A1CF: variants seen among roughly 807,000 people sequenced by gnomAD.
A1CF encodes APOBEC-1 stimulating protein.
In A1CF, 48 loss-of-function variants were observed where a neutral mutation model predicts 68.9. The observed-to-expected ratio is 0.70, with a 90% CI of 0.55 to 0.89. The LOEUF is 0.89. A1CF is among the 40% of genes least tolerant of loss of function. A1CF has a pLI of 0.00. For synonymous variants in A1CF, 272 were observed against 260.4 expected (o/e 1.04, Z -0.43); for missense variants, 653 against 718.9 (o/e 0.91, Z 1.05).
intron 10 of A1CF, among the ~76,000 whole-genome samples, chr10:50,812,893 G>A (rs10821859): frequency 0.42 from 63,331 of 152,042 alleles, 14,892 homozygotes; most frequent in Admixed American, 0.57. Flanking sequence ...AATTCCCTGG[G>A]TGGGGCTAGC....
chr10:50,804,251 T>C lies in A1CF; in HGVS notation c.*2478A>G, dbSNP rs983685115. ...AATTTTCTCAATACTTTGGTATTAT[T>C]GTATGTTTAGGTGTCTGCTCTTAAT... On this transcript the variant is annotated 3_prime_UTR_variant, in exon 13 of 13. Transcript: ENST00000373997. 1.3e-5 allele frequency: 2 copies of C among 152,180 alleles called. No individual in the cohort carries two copies. Among genetic ancestry groups the C allele is most frequent in the Non-Finnish European group, 2.9e-5 (2 of 67,998 alleles). 9.4% of individuals were successfully genotyped at this position (152,180 alleles called of 1,614,324 possible).
intron 5 of A1CF, among the ~76,000 whole-genome samples, chr10:50,838,345 G>A (rs1035011432): frequency 1.3e-5 from 2 of 152,088 alleles, no homozygotes; most frequent in Admixed American, 1.3e-4. Context: ...CAAGGTGAGG[G>A]AAGGGTTGAA....
intron 3 of A1CF, among the ~76,000 whole-genome samples, chr10:50,858,310 TG>T (rs150199799): frequency 0.057 from 8,632 of 152,080 alleles, 769 homozygotes; most frequent in African/African-American, 0.19. Context: ...GAATTTCATG[TG>T]GGGGGAAAAG....
intron 11 of A1CF, 71 bp from the exon 12 acceptor site, chr10:50,810,113 C>T: frequency 6.4e-7 from 1 of 1,564,590 alleles, no homozygotes. Flanking sequence ...ACTTAAGGCA[C>T]TATCAGCTTT....
At position 50,800,121 on chromosome 10, in the gene A1CF, G is replaced by A. The variant is rs1226801551; in HGVS notation, c.*6608C>T. Reference sequence around the variant, plus strand: ...ATTTTAAAATTTTATAAACACAAATGTATTTAGAAAACAGAAATAGTTAAT... The same window carrying A: ...ATTTTAAAATTTTATAAACACAAATATATTTAGAAAACAGAAATAGTTAAT... On this transcript the variant is annotated 3_prime_UTR_variant, in exon 13 of 13. Transcript: ENST00000373997. The A allele has an allele frequency of 2.0e-5, 3 of 152,092 alleles. No homozygotes were observed. In the East Asian group the frequency reaches 5.8e-4, roughly 29 times the overall value. 9.4% of individuals were successfully genotyped at this position (152,092 alleles called of 1,614,324 possible).
At chr10:50,834,633 G>A (rs759397925) in intron 6 of A1CF, among the ~76,000 whole-genome samples, 15 of 152,102 alleles carry the variant, frequency 9.9e-5, no homozygotes, top group Non-Finnish European at 4.4e-5. Flanking sequence ...TTTTGAACTG[G>A]CCAGTTAGTG....
At chr10:50,807,266 C>T (rs1338891669) in intron 12 of A1CF, among the ~76,000 whole-genome samples, 1 of 152,090 alleles carries the variant, frequency 6.6e-6, no homozygotes, top group Non-Finnish European at 1.5e-5. Context: ...GAGGGGCTGG[C>T]TGGGCATGGT....
intron 10 of A1CF, among the ~76,000 whole-genome samples, chr10:50,812,083 T>C (rs1838140298): frequency 6.6e-6 from 1 of 152,248 alleles, no homozygotes; most frequent in Admixed American, 6.5e-5. Flanking sequence ...AGATTGTTAC[T>C]GTTTTTTCTA....
At chr10:50,836,645 T>A (rs1313835336) in intron 5 of A1CF, among the ~76,000 whole-genome samples, 3 of 150,952 alleles carry the variant, frequency 2.0e-5, no homozygotes, top group African/African-American at 7.3e-5. Context: ...ACCCATTAAC[T>A]CGTCATTTGC....
At chr10:50,820,034 A>G (rs965856350) in intron 8 of A1CF, among the ~76,000 whole-genome samples, 18 of 152,174 alleles carry the variant, frequency 1.2e-4, no homozygotes, top group African/African-American at 3.6e-4. Flanking sequence ...TTGGCTTGAT[A>G]TATAAATATT....
chr10:50,864,970 G>A (rs1411240452), intron 1 of A1CF, among the ~76,000 whole-genome samples: 3 of 152,052 alleles, frequency 2.0e-5, no homozygotes, highest in African/African-American at 2.4e-5. Flanking sequence ...CCTAGAGGAA[G>A]CTATCTGAGC....
At position 50,801,888 on chromosome 10, in the gene A1CF, A is replaced by AG. The variant is rs1837613863; in HGVS notation, c.*4840_*4841insC. ...TACAAGGTTTTCTTTTAGCTTTCCT[A>AG]CAAAACCAAGGAGAACTGGGGGCAC... On this transcript the variant is annotated 3_prime_UTR_variant, in exon 13 of 13. Coordinates refer to ENST00000373997, the MANE Select transcript of A1CF (RefSeq NM_014576.4). 1 of 152,134 alleles carries AG rather than the reference A, an allele frequency of 6.6e-6. No individual in the cohort carries two copies. 9.4% of individuals were successfully genotyped at this position (152,134 alleles called of 1,614,324 possible).
chr10:50,817,082 T>A (rs773864739), intron 8 of A1CF, among the ~76,000 whole-genome samples: 2 of 152,204 alleles, frequency 1.3e-5, no homozygotes, highest in African/African-American at 2.4e-5. Flanking sequence ...CAGCTCCAGA[T>A]GTCAAAGATA....
chr10:50,876,933 A>G (rs569529869), intron 1 of A1CF, among the ~76,000 whole-genome samples: 161 of 152,334 alleles, frequency 1.1e-3, no homozygotes, highest in Non-Finnish European at 2.6e-4. Context: ...ACACTGAATA[A>G]TACATACACG....
At chr10:50,879,615 G>A (rs1439852593) in intron 1 of A1CF, among the ~76,000 whole-genome samples, 1 of 152,132 alleles carries the variant, frequency 6.6e-6, no homozygotes, top group Non-Finnish European at 1.5e-5. Flanking sequence ...GAGAAGTAGT[G>A]TGTACAGAAG....
In A1CF at chr10:50,806,658, T is replaced by A. The variant is rs1367868481; in HGVS notation, c.*71A>T. 2.8e-6 allele frequency: 4 copies of A among 1,413,794 alleles called. No individual in the cohort carries two copies. In the Admixed American group the frequency reaches 9.4e-5, roughly 33 times the overall value. 87.6% of individuals were successfully genotyped at this position (1,413,794 alleles called of 1,614,324 possible). ...TTATTTATGATCATTGGGGACCGAG[T>A]TAGAGGTTTATTTCTTTTTTTTTTT... is the stretch of plus-strand genomic sequence containing the variant. On this transcript the variant is annotated 3_prime_UTR_variant, in exon 13 of 13. Coordinates refer to ENST00000373997, the MANE Select transcript of A1CF (RefSeq NM_014576.4).
chr10:50,810,068 G>C, intron 11 of A1CF, 26 bp from the exon 12 acceptor site: 1 of 1,613,036 alleles, frequency 6.2e-7, no homozygotes, highest in South Asian at 1.1e-5. Flanking sequence ...GTCAGGGTAG[G>C]CATTTTTAAA....
At chr10:50,825,786 T>C (rs1323571054) in intron 7 of A1CF, among the ~76,000 whole-genome samples, 1 of 152,160 alleles carries the variant, frequency 6.6e-6, no homozygotes, top group Non-Finnish European at 1.5e-5. Flanking sequence ...TCCCTTCCTC[T>C]TCACTCAAAT....
chr10:50,821,244 G>A (rs1237001895), intron 7 of A1CF, among the ~76,000 whole-genome samples: 3 of 152,030 alleles, frequency 2.0e-5, no homozygotes, highest in African/African-American at 4.8e-5. Context: ...AGTTGTTTCC[G>A]AAAGAACATC....
Sources: gnomAD v4.1 joint callset for allele counts (sites outside exome capture counted in the v4.1 genomes callset) on GRCh38, gnomAD v4.1.1 for gene constraint, MANE v1.5 for transcripts, NCBI Gene and HGNC (gene_info 2026-07-23, HGNC 2026-07-21) for gene names.